Variants in RALA observed in about 807,000 individuals in gnomAD.
RALA encodes RAS like proto-oncogene A, also known as ras-related protein Ral-A.
RALA carries 5 observed loss-of-function variants against 24.0 expected under a neutral mutation model. The ratio of observed to expected loss-of-function variants is 0.21; its 90% CI spans 0.11 to 0.44. The LOEUF is 0.44. Ranked by LOEUF, RALA falls within the 20% of genes least tolerant of loss-of-function variation. The pLI is 0.99. For missense variants in RALA, 95 were observed against 241.2 expected (o/e 0.39, Z 4.01); for synonymous variants, 77 against 83.8 (o/e 0.92, Z 0.44).
intron 1 of RALA, among the ~76,000 whole-genome samples, chr7:39,684,823 A>G (rs900903895): frequency 6.6e-6 from 1 of 152,186 alleles, no homozygotes. Flanking sequence ...CAGGTTGGAC[A>G]AGCTTGGCTT....
rs764048692 is a variant in RALA, at chr7:39,690,363, G to A, written c.115-19G>A. 5.1e-6 allele frequency: 8 copies of A among 1,569,240 alleles called. No individual in the cohort carries two copies. The South Asian group carries it at 7.0e-5, about 14-fold the overall frequency. On this transcript the variant is annotated intron_variant, in intron 2 of 4. Transcript: ENST00000005257. ...GAAACGTAATAATTAAAAAATTGGT[G>A]TGTTTTTATCTTTTCTAGTTTGTGG... is the stretch of plus-strand genomic sequence containing the variant.
chr7:39,697,504 G>A (rs1792942923), intron 4 of RALA: 2 of 455,914 alleles, frequency 4.4e-6, no homozygotes, highest in Admixed American at 2.4e-5. Flanking sequence ...CTGCTCACTG[G>A]GCTGAGGTAG....
At chr7:39,637,691 G>C (rs917632339) in intron 1 of RALA, among the ~76,000 whole-genome samples, 3 of 152,140 alleles carry the variant, frequency 2.0e-5, no homozygotes, top group Non-Finnish European at 4.4e-5. Context: ...CATTTGGTTA[G>C]GTTTCAAATG....
At chr7:39,699,128 T>G (rs1199242599) in intron 4 of RALA, among the ~76,000 whole-genome samples, 4 of 109,778 alleles carry the variant, frequency 3.6e-5, no homozygotes, top group African/African-American at 1.2e-4. Flanking sequence ...GTTATTTTTT[T>G]TTTTTTTTTT....
At chr7:39,628,744 A>G (rs1237896247) in intron 1 of RALA, among the ~76,000 whole-genome samples, 1 of 151,696 alleles carries the variant, frequency 6.6e-6, no homozygotes, top group Non-Finnish European at 1.5e-5. Flanking sequence ...TTTAGTAGAG[A>G]CGGGGTTTCA....
chr7:39,624,011 C>G (rs960403837), intron 1 of RALA, 186 bp downstream of exon 1: 1 of 152,340 alleles, frequency 6.6e-6, no homozygotes, highest in African/African-American at 2.4e-5. Context: ...GCACCGCGTT[C>G]GCCGCTGTGG....
intron 3 of RALA, among the ~76,000 whole-genome samples, chr7:39,693,388 G>A (rs1304759762): frequency 6.6e-6 from 1 of 152,054 alleles, no homozygotes; most frequent in East Asian, 1.9e-4. Flanking sequence ...TGGACACAGG[G>A]CAGGGAACAT....
chr7:39,693,040 C>G (rs1373945774), intron 3 of RALA, among the ~76,000 whole-genome samples: 1 of 152,158 alleles, frequency 6.6e-6, no homozygotes, highest in Non-Finnish European at 1.5e-5. Flanking sequence ...AATAGAAATA[C>G]CATTTGACCC....
chr7:39,635,130 G>C lies in RALA; in HGVS notation c.-38+11305G>C, dbSNP rs571319896. ...TTTGGGCAGCCAAGGCAGGCAGATT[G>C]CTTGAGTCCAGGAGTTCAACATGGC... On this transcript the variant is annotated intron_variant, in intron 1 of 4. Coordinates refer to ENST00000005257, the MANE Select transcript of RALA (RefSeq NM_005402.4). Among the ~76,000 whole-genome samples, 303 of 152,254 alleles carry C rather than the reference G, an allele frequency of 2.0e-3. 1 individual carries two copies. The highest frequency in any genetic ancestry group is 6.9e-3 in the African/African-American group (285 of 41,564).
At chr7:39,691,427 A>G (rs1021096700) in intron 3 of RALA, among the ~76,000 whole-genome samples, 5 of 152,234 alleles carry the variant, frequency 3.3e-5, no homozygotes, top group African/African-American at 1.2e-4. Context: ...CTAGATGAAT[A>G]TATAAGGCAT....
intron 4 of RALA, chr7:39,703,413 A>G (rs1345795831): frequency 1.3e-5 from 2 of 152,180 alleles, no homozygotes; most frequent in East Asian, 1.9e-4. Flanking sequence ...TGTGTGTTTT[A>G]TACTTTTTTC....
chr7:39,652,871 T>G (rs958696851), intron 1 of RALA, among the ~76,000 whole-genome samples: 1 of 151,744 alleles, frequency 6.6e-6, no homozygotes, highest in Non-Finnish European at 1.5e-5. Flanking sequence ...GTGCGAGCAA[T>G]TCTCCCACCT....
intron 4 of RALA, among the ~76,000 whole-genome samples, chr7:39,702,527 CTT>C (rs1439679382): frequency 2.6e-5 from 4 of 152,186 alleles, no homozygotes; most frequent in African/African-American, 9.7e-5. Context: ...CATGGTTAGA[CTT>C]TTCCATAATT....
intron 4 of RALA, among the ~76,000 whole-genome samples, chr7:39,698,862 G>A (rs73128989): frequency 0.13 from 19,513 of 152,114 alleles, 1,571 homozygotes; most frequent in South Asian, 0.26. Context: ...CTGGCATGTC[G>A]TAGAAAGGAA....
chr7:39,674,819 C>CTTTTTTTTTTTTTTT, intron 1 of RALA, among the ~76,000 whole-genome samples: 1 of 96,702 alleles, frequency 1.0e-5, no homozygotes, highest in Non-Finnish European at 2.0e-5. Context: ...TAATTTTATG[C>CTTTTTTTTTTTTTTT]TTTTTTTTTT....
At chr7:39,701,135 G>A (rs1793018744) in intron 4 of RALA, 1 of 152,266 alleles carries the variant, frequency 6.6e-6, no homozygotes, top group South Asian at 2.1e-4. Context: ...TCAAGGTCAC[G>A]GGGTTCGTGG....
intron 1 of RALA, among the ~76,000 whole-genome samples, chr7:39,672,774 A>T (rs1203910712): frequency 6.6e-6 from 1 of 152,186 alleles, no homozygotes; most frequent in East Asian, 1.9e-4. Flanking sequence ...AAGGCAGAAC[A>T]GTAAGGCCTG....
intron 1 of RALA, among the ~76,000 whole-genome samples, chr7:39,658,387 G>A (rs1188915314): frequency 3.9e-5 from 6 of 152,146 alleles, no homozygotes. Flanking sequence ...GAGCACTGGT[G>A]CAAAGTAGTA....
intron 1 of RALA, among the ~76,000 whole-genome samples, chr7:39,652,097 G>A (rs1384796651): frequency 6.6e-6 from 1 of 152,150 alleles, no homozygotes; most frequent in Non-Finnish European, 1.5e-5. Context: ...TTCCAAGATG[G>A]TCCCTTATTG....
Sources: allele counts gnomAD v4.1 joint callset (sites outside exome capture counted in the v4.1 genomes callset), GRCh38; gene constraint gnomAD v4.1.1; transcripts MANE v1.5; gene names NCBI Gene and HGNC (gene_info 2026-07-23, HGNC 2026-07-21).